The following THADA variants were observed in gnomAD, a reference collection of about 807,000 sequenced individuals.
The protein encoded by THADA is THADA armadillo repeat containing, also known as tRNA (32-2'-O)-methyltransferase regulator THADA.
Under a neutral mutation model 219.8 loss-of-function variants are expected in THADA, and 213 were observed. The ratio of observed to expected loss-of-function variants is 0.97; its 90% confidence interval spans 0.87 to 1.09. The LOEUF (loss-of-function observed/expected upper bound fraction) is 1.09. Ranked by LOEUF, THADA falls within the 50% of genes least tolerant of loss-of-function variation. The probability of loss-of-function intolerance (pLI) is 0.00; values close to 1 mark genes in which losing one functional copy is unlikely to be tolerated. For synonymous variants in THADA, 1,018 were observed against 828.9 expected (o/e 1.23, Z -3.92); for missense variants, 2,956 against 2,311.3 (o/e 1.28, Z -5.72).
chr2:43,345,615 T>C (rs997246555), intron 29 of THADA, among the ~76,000 whole-genome samples: 2 of 152,174 alleles, frequency 1.3e-5, no homozygotes, highest in African/African-American at 4.8e-5. Flanking sequence ...CTTCTGTTCT[T>C]ATGTGGTGAC....
At chr2:43,448,165 G>A (rs1681825212) in intron 26 of THADA, among the ~76,000 whole-genome samples, 1 of 152,248 alleles carries the variant, frequency 6.6e-6, no homozygotes, top group Middle Eastern at 3.2e-3. Context: ...AGGAACCTGT[G>A]TTCTCACGAA....
chr2:43,365,871 T>C (rs1670084714), intron 29 of THADA, among the ~76,000 whole-genome samples: 1 of 152,040 alleles, frequency 6.6e-6, no homozygotes, highest in Non-Finnish European at 1.5e-5. Flanking sequence ...ATTGCTCAGA[T>C]GGGAAGACAC....
chr2:43,341,866 G>T (rs1667097625), intron 30 of THADA, among the ~76,000 whole-genome samples: 1 of 152,164 alleles, frequency 6.6e-6, no homozygotes, highest in Non-Finnish European at 1.5e-5. Context: ...AATGGTACTA[G>T]GCGTGGGTAA....
At chr2:43,500,628 G>C (rs1369136840) in intron 24 of THADA, among the ~76,000 whole-genome samples, 6 of 152,078 alleles carry the variant, frequency 3.9e-5, no homozygotes, top group African/African-American at 7.2e-5. Context: ...ATAAGATACT[G>C]GGTAGATTAA....
chr2:43,491,183 A>C (rs1204916156), intron 25 of THADA, among the ~76,000 whole-genome samples: 2 of 152,224 alleles, frequency 1.3e-5, no homozygotes, highest in Non-Finnish European at 2.9e-5. Flanking sequence ...AAGTAGACAA[A>C]GAATTGAGAA....
intron 26 of THADA, among the ~76,000 whole-genome samples, chr2:43,449,745 G>A (rs1363843226): frequency 6.6e-6 from 1 of 152,118 alleles, no homozygotes; most frequent in Non-Finnish European, 1.5e-5. Context: ...CTCCAAGCTG[G>A]GTGACAGGGC....
chr2:43,496,573 T>C (rs930843095), intron 25 of THADA, among the ~76,000 whole-genome samples: 1 of 152,042 alleles, frequency 6.6e-6, no homozygotes, highest in East Asian at 1.9e-4. Context: ...AGTTGTTTTG[T>C]TTCCAGATCA....
rs751636558 is a variant in THADA at position 43,293,008 on chromosome 2, C to A, written c.4644G>T (p.Leu1548=). ...GCACTTCAGGGAAGGCAGATTCTAA[C>A]AGCTGAGAGAAAGAGATGGGGACAT... is the stretch of plus-strand genomic sequence containing the variant. ...ETNVPISFSQ[L]LESAFPEVRS... The change falls in exon 32 of 38, where the codon CTG becomes CTT. Residue 1548 remains leucine, a synonymous_variant. Transcript: ENST00000405975. The A allele has an allele frequency of 1.2e-6, 2 of 1,613,898 alleles. No individual in the cohort carries two copies. Among genetic ancestry groups the A allele is most frequent in the Non-Finnish European group, 1.7e-6 (2 of 1,179,892 alleles).
At chr2:43,390,659 A>G (rs978385748) in intron 29 of THADA, among the ~76,000 whole-genome samples, 3 of 152,048 alleles carry the variant, frequency 2.0e-5, no homozygotes, top group Non-Finnish European at 4.4e-5. Flanking sequence ...ATAAGTTCTG[A>G]TATGTTTTAT....
intron 26 of THADA, among the ~76,000 whole-genome samples, chr2:43,468,566 A>G (rs1002653012): frequency 1.3e-5 from 2 of 152,186 alleles, no homozygotes; most frequent in African/African-American, 4.8e-5. Context: ...TTTCACTGCT[A>G]CCAAAGCTAC....
At chr2:43,407,832 G>A (rs1675762752) in intron 28 of THADA, among the ~76,000 whole-genome samples, 1 of 151,742 alleles carries the variant, frequency 6.6e-6, no homozygotes, top group African/African-American at 2.4e-5. Context: ...AATATATGTG[G>A]GTTTTCACTC....
rs146664055 is a variant in THADA at position 43,459,924 on chromosome 2, A to G, written c.3836+25310T>C. Reference sequence around the variant, plus strand: ...AGTAGTTTTCAGACCAAATGAGTTCAGCACGGAAGTCTCAAAAGCCACATC... The same window carrying G: ...AGTAGTTTTCAGACCAAATGAGTTCGGCACGGAAGTCTCAAAAGCCACATC... On this transcript the variant is annotated intron_variant, in intron 26 of 37. Coordinates refer to ENST00000405975, the MANE Select transcript of THADA (RefSeq NM_022065.5). 2.8e-3 allele frequency among the ~76,000 whole-genome samples: 430 copies of G among 152,322 alleles called. 1 individual carries two copies. Among genetic ancestry groups the G allele is most frequent in the Admixed American group, 4.6e-3 (70 of 15,300 alleles).
At chr2:43,269,702 C>A (rs1487992172) in intron 36 of THADA, among the ~76,000 whole-genome samples, 1 of 152,222 alleles carries the variant, frequency 6.6e-6, no homozygotes, top group East Asian at 1.9e-4. Context: ...AAACAGATAA[C>A]TGGCTCCCAC....
At chr2:43,507,975 C>T (rs1029324696) in intron 23 of THADA, among the ~76,000 whole-genome samples, 4 of 152,060 alleles carry the variant, frequency 2.6e-5, no homozygotes, top group Non-Finnish European at 5.9e-5. Flanking sequence ...AAAAGGAAAA[C>T]GGACTCGCAC....
At chr2:43,504,704 G>C (rs1307774436) in intron 24 of THADA, among the ~76,000 whole-genome samples, 3 of 152,234 alleles carry the variant, frequency 2.0e-5, no homozygotes, top group South Asian at 4.1e-4. Flanking sequence ...CAGGTGATTG[G>C]GCCTGGTCTC....
chr2:43,243,388 G>A (rs745809459), intron 36 of THADA, among the ~76,000 whole-genome samples: 34 of 152,178 alleles, frequency 2.2e-4, no homozygotes, highest in Non-Finnish European at 4.7e-4. Context: ...ATTCTACAGT[G>A]TTCACGATAG....
At chr2:43,340,702 T>C (rs1275817569) in intron 30 of THADA, among the ~76,000 whole-genome samples, 1 of 152,200 alleles carries the variant, frequency 6.6e-6, no homozygotes, top group Non-Finnish European at 1.5e-5. Flanking sequence ...CAAAGGAACA[T>C]TTATTTTTCT....
chr2:43,244,297 T>C (rs1668910630), intron 36 of THADA, among the ~76,000 whole-genome samples: 1 of 152,190 alleles, frequency 6.6e-6, no homozygotes, highest in South Asian at 2.1e-4. Context: ...CCTAGAAAAA[T>C]ACTTGCATTT....
intron 29 of THADA, among the ~76,000 whole-genome samples, chr2:43,359,966 G>A (rs1338131890): frequency 6.6e-6 from 1 of 150,928 alleles, no homozygotes; most frequent in Non-Finnish European, 1.5e-5. Flanking sequence ...TATATTCCAA[G>A]ATAATGAGAT....
Sources: gnomAD v4.1 joint callset for allele counts (sites outside exome capture counted in the v4.1 genomes callset) on GRCh38, gnomAD v4.1.1 for gene constraint, MANE v1.5 for transcripts, NCBI Gene and HGNC (gene_info 2026-07-23, HGNC 2026-07-21) for gene names.